The following CERS6 variants were observed in gnomAD, a reference collection of about 807,000 sequenced individuals.
CERS6 encodes LAG1 homolog, ceramide synthase 6.
In CERS6, 26 loss-of-function variants were observed where a neutral mutation model predicts 56.8. The ratio of observed to expected loss-of-function variants is 0.46; its 90% CI spans 0.34 to 0.63. The LOEUF is 0.63. Ranked by LOEUF, CERS6 falls within the 30% of genes least tolerant of loss-of-function variation. The probability of loss-of-function intolerance (pLI) is 0.01; values close to 1 mark genes in which losing one functional copy is unlikely to be tolerated. For synonymous variants in CERS6, 164 were observed against 173.3 expected, an observed-to-expected ratio of 0.95 and a Z score of 0.42; for missense variants, 415 against 467.5, an observed-to-expected ratio of 0.89 and a Z score of 1.04.
Position 168,612,323 on chromosome 2 carries a change from C to T in CERS6, c.408-18662C>T, listed in dbSNP as rs1684209830. 2.0e-5 allele frequency among the ~76,000 whole-genome samples: 3 copies of T among 152,166 alleles called. No homozygotes were observed. In the South Asian group the frequency reaches 6.2e-4, roughly 32 times the overall value. On this transcript the variant is annotated intron_variant, in intron 3 of 9. Transcript: ENST00000305747. Reference sequence around the variant, plus strand: ...TTCACTCAGAGTTGAAAATTTCCAACTGATTGTTGGTCACTTAAAGGATGA... The same window carrying T: ...TTCACTCAGAGTTGAAAATTTCCAATTGATTGTTGGTCACTTAAAGGATGA...
At chr2:168,673,566 T>C (rs1574149258) in intron 4 of CERS6, among the ~76,000 whole-genome samples, 1 of 152,196 alleles carries the variant, frequency 6.6e-6, no homozygotes, top group Non-Finnish European at 1.5e-5. Flanking sequence ...AATTATTTGG[T>C]CCAGCCTCTA....
rs546651371 is a variant in CERS6, at chr2:168,751,033, A to G, written c.846-14559A>G. Among the ~76,000 whole-genome samples the G allele has an allele frequency of 2.0e-5, 3 of 152,318 alleles. No individual in the cohort carries two copies. The East Asian group carries it at 5.8e-4, about 29-fold the overall frequency. On this transcript the variant is annotated intron_variant, in intron 8 of 9. Coordinates refer to ENST00000305747, the MANE Select transcript of CERS6 (RefSeq NM_203463.3). ...CCCCTTGCTACCTTCACTTGCTTCC[A>G]TGCTATAGATGCAAAACATAGCTGT...
rs190177798 is a variant in CERS6 at position 168,592,413 on chromosome 2, G to A, written c.407+31091G>A. Among the ~76,000 whole-genome samples, 160 of 152,286 alleles carry A rather than the reference G, an allele frequency of 1.1e-3. 1 individual carries two copies. Among genetic ancestry groups the A allele is most frequent in the African/African-American group, 3.7e-3 (155 of 41,544 alleles). On this transcript the variant is annotated intron_variant, in intron 3 of 9. Transcript: ENST00000305747. ...TAGAGAAGCAGATGGGGCCAAGTGG[G>A]GAGGGCTCTGGAAGCCAGCAGCAGA...
intron 1 of CERS6, among the ~76,000 whole-genome samples, chr2:168,518,639 C>G (rs576057390): frequency 6.6e-6 from 1 of 152,116 alleles, no homozygotes; most frequent in Non-Finnish European, 1.5e-5. Flanking sequence ...AGCTCTCTGA[C>G]GTGATCCCTT....
At chr2:168,657,350 C>T (rs1685504954) in intron 4 of CERS6, among the ~76,000 whole-genome samples, 1 of 152,404 alleles carries the variant, frequency 6.6e-6, no homozygotes, top group Admixed American at 6.5e-5. Context: ...ACGTCCCCAC[C>T]AGACTCAGGA....
At chr2:168,556,445 G>T (rs1695679958) in intron 2 of CERS6, among the ~76,000 whole-genome samples, 1 of 152,104 alleles carries the variant, frequency 6.6e-6, no homozygotes, top group African/African-American at 2.4e-5. Context: ...GTGGGGATAG[G>T]TGGTTTCTGC....
rs717038 is a variant in CERS6, at chr2:168,565,045, A to C, written c.407+3723A>C. Among the ~76,000 whole-genome samples the C allele has an allele frequency of 2.0e-4, 30 of 152,334 alleles. No individual in the cohort carries two copies. In the South Asian group the frequency reaches 6.2e-3, roughly 32 times the overall value. On this transcript the variant is annotated intron_variant, in intron 3 of 9. Transcript: ENST00000305747. Reference sequence around the variant, plus strand: ...ATGAGTGCCTAATATATACTGCCTTAGCATAAAATTTGTCTAGGAAAATTA... The same window carrying C: ...ATGAGTGCCTAATATATACTGCCTTCGCATAAAATTTGTCTAGGAAAATTA...
At chr2:168,592,592 G>C (rs1346086043) in intron 3 of CERS6, among the ~76,000 whole-genome samples, 1 of 152,168 alleles carries the variant, frequency 6.6e-6, no homozygotes, top group Non-Finnish European at 1.5e-5. Flanking sequence ...AGGAATGAAA[G>C]GCTGGGGGCA....
intron 3 of CERS6, among the ~76,000 whole-genome samples, chr2:168,628,985 A>G (rs1258329973): frequency 6.6e-6 from 1 of 151,988 alleles, no homozygotes; most frequent in Non-Finnish European, 1.5e-5. Flanking sequence ...AAACAATAAC[A>G]TATGAAACTC....
At chr2:168,571,296 GTTAT>G (rs1695982175) in intron 3 of CERS6, among the ~76,000 whole-genome samples, 1 of 151,866 alleles carries the variant, frequency 6.6e-6, no homozygotes, top group African/African-American at 2.4e-5. Flanking sequence ...TCGCCTTGCG[GTTAT>G]TAGCTCATGG....
intron 1 of CERS6, among the ~76,000 whole-genome samples, chr2:168,501,813 G>T (rs763532317): frequency 6.6e-6 from 1 of 152,188 alleles, no homozygotes; most frequent in Non-Finnish European, 1.5e-5. Context: ...CTGGTGAAAC[G>T]AGTTCCCCTA....
intron 4 of CERS6, among the ~76,000 whole-genome samples, chr2:168,653,607 T>C (rs916963349): frequency 6.6e-6 from 1 of 152,212 alleles, no homozygotes; most frequent in Non-Finnish European, 1.5e-5. Context: ...CATCCTTAGG[T>C]TTATCAGCTC....
intron 1 of CERS6, among the ~76,000 whole-genome samples, chr2:168,509,400 C>T (rs1486266791): frequency 1.3e-5 from 2 of 152,174 alleles, no homozygotes; most frequent in African/African-American, 4.8e-5. Context: ...ATATTTACAG[C>T]CCCAATTTTC....
chr2:168,524,755 A>G (rs1695041505), intron 1 of CERS6, among the ~76,000 whole-genome samples: 1 of 152,084 alleles, frequency 6.6e-6, no homozygotes, highest in Admixed American at 6.6e-5. Context: ...GGTTTTATGT[A>G]TGTGATATGT....
At position 168,680,773 on chromosome 2, in the gene CERS6, C is replaced by T. The variant is rs1032961567; in HGVS notation, c.466-10261C>T. On this transcript the variant is annotated intron_variant, in intron 4 of 9. Coordinates refer to ENST00000305747, the MANE Select transcript of CERS6 (RefSeq NM_203463.3). ...TCATGTGAGGATGCTGCAAGAAGAC[C>T]CTCACAAGACCAAATGCCAGTGCCT... 3.9e-5 allele frequency among the ~76,000 whole-genome samples: 6 copies of T among 152,172 alleles called. No individual in the cohort carries two copies. In the East Asian group the frequency reaches 1.2e-3, roughly 29 times the overall value.
At chr2:168,767,982 G>T (rs948950615) in intron 9 of CERS6, among the ~76,000 whole-genome samples, 2 of 152,116 alleles carry the variant, frequency 1.3e-5, no homozygotes, top group Middle Eastern at 3.4e-3. Flanking sequence ...AGGCCTTCTG[G>T]GTAAAAATGC....
chr2:168,551,952 A>T (rs1001135527), intron 2 of CERS6, among the ~76,000 whole-genome samples: 1 of 152,196 alleles, frequency 6.6e-6, no homozygotes, highest in African/African-American at 2.4e-5. Flanking sequence ...TACCTATGAT[A>T]CTAACTACCT....
At chr2:168,733,705 C>T (rs1481914369) in intron 8 of CERS6, among the ~76,000 whole-genome samples, 2 of 152,160 alleles carry the variant, frequency 1.3e-5, no homozygotes, top group South Asian at 2.1e-4. Flanking sequence ...GGGAGTTTTT[C>T]CAGTCATAAC....
At chr2:168,644,290 A>G in intron 4 of CERS6, 2 of 984,284 alleles carry the variant, frequency 2.0e-6, no homozygotes, top group Non-Finnish European at 2.4e-6. Flanking sequence ...AGGAAGATGA[A>G]GAAAGGAGGT....
Sources: gnomAD v4.1 joint callset for allele counts (sites outside exome capture counted in the v4.1 genomes callset) on GRCh38, gnomAD v4.1.1 for gene constraint, MANE v1.5 for transcripts, NCBI Gene and HGNC (gene_info 2026-07-23, HGNC 2026-07-21) for gene names.